Variants in HIVEP1 observed in about 807,000 individuals in gnomAD.
HIVEP1 encodes the protein HIVEP zinc finger 1, also known as zinc finger protein 40.
HIVEP1 carries 36 observed loss-of-function variants against 180.0 expected under a neutral mutation model. The ratio of observed to expected loss-of-function variants is 0.20; its 90% CI spans 0.15 to 0.26. The LOEUF (loss-of-function observed/expected upper bound fraction) is 0.26, where lower values mean the gene tolerates loss of function less well. HIVEP1 is among the 10% of genes least tolerant of loss of function. The probability of loss-of-function intolerance (pLI) is 1.00; values close to 1 mark genes in which losing one functional copy is unlikely to be tolerated. For synonymous variants in HIVEP1, 1,239 were observed against 1,239.0 expected, an observed-to-expected ratio of 1.00 and a Z score of 0.00; for missense variants, 3,143 against 3,268.7, an observed-to-expected ratio of 0.96 and a Z score of 0.94.
intron 2 of HIVEP1, among the ~76,000 whole-genome samples, chr6:12,025,881 A>G (rs1192565854): frequency 6.6e-6 from 1 of 152,162 alleles, no homozygotes; most frequent in African/African-American, 2.4e-5. Context: ...CCCTACTAAA[A>G]ATAAAAAAAT....
At chr6:12,167,685 TAATA>T (rs1390334840), downstream of HIVEP1, among the ~76,000 whole-genome samples, 4 of 108,344 alleles carry the variant, frequency 3.7e-5, no homozygotes, top group Non-Finnish European at 5.7e-5. Flanking sequence ...TATATGTGTA[TAATA>T]TATATACATA....
At chr6:12,184,062 C>CAGACAGACAGACAGA in the HIVEP1 span, among the ~76,000 whole-genome samples, 13 of 140,146 alleles carry the variant, frequency 9.3e-5, no homozygotes, top group Non-Finnish European at 1.7e-4. Context: ...GACAGACAGA[C>CAGACAGACAGACAGA]TGATTTGGGG....
At chr6:12,050,917 C>T (rs957692884) in intron 2 of HIVEP1, among the ~76,000 whole-genome samples, 2 of 149,556 alleles carry the variant, frequency 1.3e-5, no homozygotes, top group African/African-American at 4.9e-5. Context: ...AGGCGCTAGG[C>T]ATGCTCATTG....
Position 12,123,080 on chromosome 6 carries a change from T to C in HIVEP1, c.3285T>C (p.Leu1095=), listed in dbSNP as rs757133844. Residue 1095 remains leucine (L), a synonymous_variant, in exon 4 of 9, where the codon CTT becomes CTC. Coordinates refer to ENST00000379388, the MANE Select transcript of HIVEP1 (RefSeq NM_002114.4). ...AGTTGCAAAACTCCCATATTCACCT[T>C]GTTGCCAGGGGCCCTGAGCAGACCA... The part of the protein sequence containing the change: ...NIQLQNSHIH[L]VARGPEQTMD... 2.5e-6 allele frequency: 4 copies of C among 1,614,152 alleles called. No homozygotes were observed. Among genetic ancestry groups the C allele is most frequent in the Non-Finnish European group, 8.5e-7 (1 of 1,180,016 alleles).
At chr6:12,093,098 T>C (rs6910367) in intron 3 of HIVEP1, among the ~76,000 whole-genome samples, 109,822 of 152,028 alleles carry the variant, frequency 0.72, 40,567 homozygotes, top group Middle Eastern at 0.89. Flanking sequence ...AATGAGGTTG[T>C]AGTTTGTTAG....
chr6:12,085,460 A>G (rs1561925115), intron 2 of HIVEP1, among the ~76,000 whole-genome samples: 1 of 152,182 alleles, frequency 6.6e-6, no homozygotes, highest in Non-Finnish European at 1.5e-5. Context: ...TTAACCACAC[A>G]GGGGAGTTTG....
chr6:12,035,709 G>T (rs1251433481), intron 2 of HIVEP1, among the ~76,000 whole-genome samples: 2 of 152,102 alleles, frequency 1.3e-5, no homozygotes, highest in Non-Finnish European at 2.9e-5. Context: ...TGTTTGGAGG[G>T]GAAAGTACTG....
intron 2 of HIVEP1, among the ~76,000 whole-genome samples, chr6:12,083,531 C>A (rs190552006): frequency 6.6e-6 from 1 of 151,984 alleles, no homozygotes; most frequent in Non-Finnish European, 1.5e-5. Flanking sequence ...CTGTGAGGAC[C>A]GCTGCTGCTC....
At chr6:12,187,788 A>AT in the HIVEP1 span, among the ~76,000 whole-genome samples, 1 of 151,736 alleles carries the variant, frequency 6.6e-6, no homozygotes, top group Admixed American at 6.6e-5. Context: ...GTTTCACCAT[A>AT]TTGGCCAGGC....
Position 12,124,967 on chromosome 6 carries a change from C to T in HIVEP1, c.5172C>T (p.Pro1724=), listed in dbSNP as rs770448445. The T allele has an allele frequency of 3.1e-6, 5 of 1,614,008 alleles. No homozygotes were observed. In the African/African-American group the frequency reaches 5.3e-5, roughly 17 times the overall value. ...ATTCTTCTCTATCAGAATCCTTGCC[C>T]ATAACTCAGAAAATATCTGTTGGTC... ...SQNSSLSESL[P]ITQKISVGRL... is the part of the protein sequence containing the mutation. Residue 1724 remains proline (P), a synonymous_variant, in exon 4 of 9, where the codon CCC becomes CCT. Coordinates refer to ENST00000379388, the MANE Select transcript of HIVEP1 (RefSeq NM_002114.4).
chr6:12,197,406 A>C, the HIVEP1 span, among the ~76,000 whole-genome samples: 1 of 152,020 alleles, frequency 6.6e-6, no homozygotes, highest in African/African-American at 2.4e-5. Flanking sequence ...AAAAACTACA[A>C]AAATTAGCCA....
chr6:12,116,263 G>C (rs933457639), intron 3 of HIVEP1, among the ~76,000 whole-genome samples: 5 of 152,046 alleles, frequency 3.3e-5, no homozygotes, highest in African/African-American at 1.2e-4. Flanking sequence ...TTCATTATCT[G>C]AAAACCCAAG....
intron 3 of HIVEP1, among the ~76,000 whole-genome samples, chr6:12,095,809 T>C (rs1400722992): frequency 6.6e-6 from 1 of 151,940 alleles, no homozygotes; most frequent in African/African-American, 2.4e-5. Flanking sequence ...ATCAAGCCCA[T>C]GTCTTGGACT....
chr6:12,093,237 T>G (rs909163209), intron 3 of HIVEP1, among the ~76,000 whole-genome samples: 2 of 152,128 alleles, frequency 1.3e-5, no homozygotes, highest in African/African-American at 4.8e-5. Context: ...TTGTCCATTT[T>G]GTAAAAATTG....
chr6:12,022,797 A>T (rs145717616), intron 2 of HIVEP1, among the ~76,000 whole-genome samples: 30 of 152,340 alleles, frequency 2.0e-4, no homozygotes, highest in Non-Finnish European at 4.3e-4. Context: ...CATGTGCTCA[A>T]TGTTGATTAC....
chr6:12,099,660 A>G (rs1003731127), intron 3 of HIVEP1, among the ~76,000 whole-genome samples: 4 of 151,380 alleles, frequency 2.6e-5, no homozygotes, highest in African/African-American at 9.8e-5. Flanking sequence ...TCCCCTATAC[A>G]GTTTTGCCCA....
intron 3 of HIVEP1, among the ~76,000 whole-genome samples, chr6:12,108,207 T>C (rs1774586923): frequency 6.6e-6 from 1 of 152,192 alleles, no homozygotes; most frequent in African/African-American, 2.4e-5. Flanking sequence ...AGGGTGCTGA[T>C]TGGTGTGTTT....
the HIVEP1 span, among the ~76,000 whole-genome samples, chr6:12,176,678 C>T: frequency 1.3e-5 from 2 of 151,774 alleles, no homozygotes; most frequent in African/African-American, 4.8e-5. Flanking sequence ...GGATACAAAG[C>T]ATTGTTTTTT....
intron 2 of HIVEP1, among the ~76,000 whole-genome samples, chr6:12,022,168 CAT>C (rs1396268112): frequency 6.6e-6 from 1 of 151,636 alleles, no homozygotes; most frequent in Non-Finnish European, 1.5e-5. Context: ...TTTTACTTCA[CAT>C]ACAGGATTTT....
Sources: gnomAD v4.1 joint callset for allele counts (sites outside exome capture counted in the v4.1 genomes callset) on GRCh38, gnomAD v4.1.1 for gene constraint, MANE v1.5 for transcripts, NCBI Gene and HGNC (gene_info 2026-07-23, HGNC 2026-07-21) for gene names.